The following NCS1 variants were observed in gnomAD, a reference collection of about 807,000 sequenced individuals.
NCS1 encodes neuronal calcium sensor 1.
NCS1 carries 6 observed loss-of-function variants against 28.4 expected under a neutral mutation model. The observed-to-expected ratio is 0.21, with a 90% CI of 0.12 to 0.42. NCS1 has a LOEUF of 0.42. Ranked by LOEUF, NCS1 falls within the 10% of genes least tolerant of loss-of-function variation. NCS1 has a pLI of 1.00. For synonymous variants in NCS1, 86 were observed against 99.3 expected (o/e 0.87, Z 0.79); for missense variants, 131 against 241.4 (o/e 0.54, Z 3.03).
intron 1 of NCS1, among the ~76,000 whole-genome samples, chr9:130,184,785 G>A (rs966233979): frequency 8.4e-6 from 1 of 118,482 alleles, no homozygotes; most frequent in Non-Finnish European, 1.8e-5. Flanking sequence ...GCACCACCAC[G>A]CCTGGCTAAT....
In NCS1 at chr9:130,191,490, G is replaced by A. The variant is rs1554906246; in HGVS notation, c.65-9468G>A. Among the ~76,000 whole-genome samples the A allele has an allele frequency of 6.6e-6, 1 of 152,200 alleles. No individual in the cohort carries two copies. On this transcript the variant is annotated intron_variant, in intron 1 of 7. Coordinates refer to ENST00000372398, the MANE Select transcript of NCS1 (RefSeq NM_014286.4). The surrounding 1 kb of genome is among the most constrained non-coding windows in gnomAD (Gnocchi z 6.4). ...GAGGCTCTGGCATCTTTTACATGGA[G>A]GCGAGGCAGCCGTGGGGATGTAAGG... is the stretch of plus-strand genomic sequence containing the variant.
chr9:130,209,362 C>A lies in NCS1; in HGVS notation c.89+8380C>A, dbSNP rs565600132. Among the ~76,000 whole-genome samples, 1 of 152,114 alleles carries A rather than the reference C, an allele frequency of 6.6e-6. No homozygotes were observed. The highest frequency in any genetic ancestry group is 1.5e-5 in the Non-Finnish European group (1 of 68,020). On this transcript the variant is annotated intron_variant, in intron 2 of 7. Coordinates refer to ENST00000372398, the MANE Select transcript of NCS1 (RefSeq NM_014286.4). This position sits in a 1 kb window ranked among gnomAD's most constrained non-coding sequence, Gnocchi z 4.4. ...AAATTCGGGGGAAGTCCTAGAGGAC[C>A]GGGGCGTTTGGGAGACTGAGGCCTG...
intron 4 of NCS1, among the ~76,000 whole-genome samples, chr9:130,220,524 G>A (rs1171444797): frequency 2.0e-5 from 3 of 152,116 alleles, no homozygotes; most frequent in African/African-American, 4.8e-5. Flanking sequence ...GGGCGTTAAG[G>A]GCTCCAGCCA....
intron 2 of NCS1, among the ~76,000 whole-genome samples, chr9:130,211,053 A>C (rs1488502890): frequency 9.1e-6 from 1 of 109,556 alleles, no homozygotes; most frequent in Non-Finnish European, 1.7e-5. Flanking sequence ...GGGTCTTGCT[A>C]TGTTGCCCGG....
chr9:130,208,464 A>T (rs1429471442), intron 2 of NCS1, among the ~76,000 whole-genome samples: 1 of 151,998 alleles, frequency 6.6e-6, no homozygotes, highest in Non-Finnish European at 1.5e-5. Flanking sequence ...TTTTTAGTAG[A>T]GACGGGGGTT....
intron 6 of NCS1, among the ~76,000 whole-genome samples, chr9:130,224,121 T>C (rs970787806): frequency 2.7e-5 from 4 of 150,520 alleles, no homozygotes; most frequent in African/African-American, 7.3e-5. Context: ...GCTGGGATTA[T>C]AGGCGTGAGC....
intron 1 of NCS1, among the ~76,000 whole-genome samples, chr9:130,179,492 T>A (rs1554904959): frequency 6.6e-6 from 1 of 152,212 alleles, no homozygotes; most frequent in African/African-American, 2.4e-5. Flanking sequence ...TTGCACTAAA[T>A]CTTTGCACTT....
intron 1 of NCS1, among the ~76,000 whole-genome samples, chr9:130,179,115 T>C (rs1832621047): frequency 6.6e-6 from 1 of 151,486 alleles, no homozygotes; most frequent in African/African-American, 2.4e-5. Flanking sequence ...GTATTTTTAG[T>C]AGAGACGGGG....
In NCS1 at chr9:130,186,092, G is replaced by A. The variant is rs1832735027; in HGVS notation, c.64+13365G>A. On this transcript the variant is annotated intron_variant, in intron 1 of 7. Coordinates refer to ENST00000372398, the MANE Select transcript of NCS1 (RefSeq NM_014286.4). This position sits in a 1 kb window ranked among gnomAD's most constrained non-coding sequence, Gnocchi z 4.1. The stretch of plus-strand genomic sequence containing the variant: ...AGGCCCTGGGTCCTGTGGGGGGCAT[G>A]TGTGGCCAAACGGGTTCCTGGGCCA... 6.6e-6 allele frequency among the ~76,000 whole-genome samples: 1 copy of A among 152,212 alleles called. No homozygotes were observed. The highest frequency in any genetic ancestry group is 2.4e-5 in the African/African-American group (1 of 41,452).
chr9:130,224,792 T>C (rs1280243925), intron 6 of NCS1, among the ~76,000 whole-genome samples: 2 of 152,166 alleles, frequency 1.3e-5, no homozygotes, highest in African/African-American at 4.8e-5. Context: ...TCCAAAGAAA[T>C]AAGGAATCCT....
rs1455675876 is a variant in NCS1 at position 130,212,466 on chromosome 9, G to A, written c.90-5366G>A. ...GCACGACAGCGACCTGGCCCCGAAC[G>A]TCAGGAGTGCCGGGGTGGGGAAACC... On this transcript the variant is annotated intron_variant, in intron 2 of 7. Coordinates refer to ENST00000372398, the MANE Select transcript of NCS1 (RefSeq NM_014286.4). Among the ~76,000 whole-genome samples the A allele has an allele frequency of 5.3e-5, 8 of 150,046 alleles. No homozygotes were observed. The East Asian group carries it at 1.2e-3, about 22-fold the overall frequency.
intron 1 of NCS1, among the ~76,000 whole-genome samples, chr9:130,195,751 G>T (rs1832870188): frequency 6.6e-6 from 1 of 152,226 alleles, no homozygotes; most frequent in Non-Finnish European, 1.5e-5. Context: ...GATGGATGGG[G>T]TTTCCCTGGG....
At chr9:130,190,300 A>G (rs1832800804) in intron 1 of NCS1, among the ~76,000 whole-genome samples, 1 of 152,148 alleles carries the variant, frequency 6.6e-6, no homozygotes, top group Non-Finnish European at 1.5e-5. Context: ...GAAGGTCCAA[A>G]TCGGACAAAA....
chr9:130,205,240 A>C (rs1554907919), intron 2 of NCS1, among the ~76,000 whole-genome samples: 1 of 151,860 alleles, frequency 6.6e-6, no homozygotes, highest in African/African-American at 2.4e-5. Flanking sequence ...TGGGAGGGGG[A>C]CACGAGCCTG....
intron 1 of NCS1, among the ~76,000 whole-genome samples, chr9:130,190,867 A>T (rs1436423592): frequency 6.6e-6 from 1 of 152,172 alleles, no homozygotes; most frequent in Non-Finnish European, 1.5e-5. Flanking sequence ...CCCGCCTGTC[A>T]GCACAGGGCC....
intron 2 of NCS1, among the ~76,000 whole-genome samples, chr9:130,204,875 G>A (rs1205753660): frequency 6.6e-6 from 1 of 152,164 alleles, no homozygotes; most frequent in African/African-American, 2.4e-5. Flanking sequence ...GCATTAGGCG[G>A]ATGAGGAAAC....
rs13296233 is a variant in NCS1 at position 130,233,981 on chromosome 9, G to A, written c.*1009G>A. On this transcript the variant is annotated 3_prime_UTR_variant, in exon 8 of 8. Transcript: ENST00000372398. The surrounding 1 kb of genome is among the most constrained non-coding windows in gnomAD (Gnocchi z 4.8). ...AACATTTTTTCCGAGGATGAACAGG[G>A]GACATCTTTAGGTTTCTCAACTCTT... 0.025 allele frequency: 3,746 copies of A among 152,210 alleles called. 59 individuals carry two copies. Among genetic ancestry groups the A allele is most frequent in the South Asian group, 0.075 (361 of 4,810 alleles). The allele number at this position is 152,210 out of a possible 1,614,324, so 9.4% of individuals were successfully genotyped here.
intron 1 of NCS1, among the ~76,000 whole-genome samples, chr9:130,179,531 C>T (rs551949815): frequency 1.3e-5 from 2 of 152,072 alleles, no homozygotes; most frequent in Non-Finnish European, 2.9e-5. Context: ...GAACCCAGAA[C>T]GGGGTTATGG....
At chr9:130,229,179 AAACTT>A (rs1179541427) in intron 7 of NCS1, among the ~76,000 whole-genome samples, 2 of 152,172 alleles carry the variant, frequency 1.3e-5, no homozygotes, top group African/African-American at 4.8e-5. Context: ...AACACTTACA[AAACTT>A]AACACTCAGT....
Sources: gnomAD v4.1 joint callset for allele counts (sites outside exome capture counted in the v4.1 genomes callset) on GRCh38, gnomAD v4.1.1 for gene constraint, Gnocchi (gnomAD v3.1) non-coding constraint, MANE v1.5 for transcripts, NCBI Gene and HGNC (gene_info 2026-07-23, HGNC 2026-07-21) for gene names.